The following POLE2 variants were observed in gnomAD, a reference collection of about 807,000 sequenced individuals.
The protein encoded by POLE2 is DNA polymerase epsilon 2, accessory subunit.
POLE2 carries 56 observed loss-of-function variants against 79.4 expected under a neutral mutation model. That is an observed-to-expected ratio of 0.71 (90% CI 0.57 to 0.88). The LOEUF is 0.88. Ranked by LOEUF, POLE2 falls within the 40% of genes least tolerant of loss-of-function variation. The pLI is 0.00. For missense variants in POLE2, 598 were observed against 638.9 expected (o/e 0.94, Z 0.69); for synonymous variants, 212 against 214.0 (o/e 0.99, Z 0.08).
At chr14:49,667,547 A>G (rs1195884717) in intron 6 of POLE2, among the ~76,000 whole-genome samples, 1 of 149,648 alleles carries the variant, frequency 6.7e-6, no homozygotes, top group Admixed American at 6.7e-5. Context: ...CTACACAGAT[A>G]GAAACTTTTT....
At chr14:49,681,773 G>C (rs576293140) in intron 2 of POLE2, 27 of 145,990 alleles carry the variant, frequency 1.8e-4, no homozygotes, top group African/African-American at 6.3e-4. Flanking sequence ...AGTGAACCGA[G>C]ATGGCGCCAT....
chr14:49,645,872 T>TCTGCCTGCCTTGGC (rs1184812377), intron 18 of POLE2, among the ~76,000 whole-genome samples: 1 of 152,172 alleles, frequency 6.6e-6, no homozygotes, highest in East Asian at 1.9e-4. Flanking sequence ...ACTTAAGTCA[T>TCTGCCTGCCTTGGC]CTGCCTGCCT....
At position 49,651,415 on chromosome 14, in the gene POLE2, A is replaced by G. The variant is rs1158056130; in HGVS notation, c.1212-38T>C. 5.9e-6 allele frequency: 5 copies of G among 851,646 alleles called. No homozygotes were observed. In the South Asian group the frequency reaches 6.4e-5, roughly 11 times the overall value. 52.8% of individuals were successfully genotyped at this position (851,646 alleles called of 1,614,324 possible). A position where few individuals can be genotyped will look rare whatever the true frequency, so the allele number is the denominator to read the frequency against. On this transcript the variant is annotated intron_variant, in intron 15 of 18. Coordinates refer to ENST00000216367, the MANE Select transcript of POLE2 (RefSeq NM_002692.4). ...CAGTAGTTGAATTTGACTTCTCAGA[A>G]AAAAATGATATTAATTTTAAAGGTA...
intron 5 of POLE2, among the ~76,000 whole-genome samples, chr14:49,673,542 T>C (rs571982296): frequency 6.6e-6 from 1 of 152,344 alleles, no homozygotes. Flanking sequence ...ATGCCATCAT[T>C]TCCTTGAAGC....
At chr14:49,651,561 A>G in intron 15 of POLE2, 184 bp from the exon 16 acceptor site, 2 of 402,632 alleles carry the variant, frequency 5.0e-6, no homozygotes. Context: ...ATATATGCCT[A>G]CCCCATTCTA....
chr14:49,646,301 G>GTTTTTT (rs1566522550), intron 18 of POLE2, among the ~76,000 whole-genome samples: 31 of 90,768 alleles, frequency 3.4e-4, no homozygotes, highest in African/African-American at 1.3e-3. Flanking sequence ...TTTTTTTGTT[G>GTTTTTT]GTTTTTTTTT....
chr14:49,664,324 A>G (rs1885317325), intron 9 of POLE2, among the ~76,000 whole-genome samples: 1 of 145,132 alleles, frequency 6.9e-6, no homozygotes. Flanking sequence ...ACTCCAGCCT[A>G]GGTGACAGAG....
At chr14:49,656,212 G>A (rs1185458340) in intron 10 of POLE2, among the ~76,000 whole-genome samples, 1 of 151,990 alleles carries the variant, frequency 6.6e-6, no homozygotes, top group Non-Finnish European at 1.5e-5. Flanking sequence ...AAAATTAGCC[G>A]GGCGACGTGG....
Position 49,665,165 on chromosome 14 carries a change from T to A in POLE2, c.577-2A>T. The A allele has an allele frequency of 7.8e-7, 1 of 1,287,206 alleles. No individual in the cohort carries two copies. Among genetic ancestry groups the A allele is most frequent in the Non-Finnish European group, 1.1e-6 (1 of 888,708 alleles). 79.7% of individuals were successfully genotyped at this position (1,287,206 alleles called of 1,614,324 possible). A position where few individuals can be genotyped will look rare whatever the true frequency, so the allele number is the denominator to read the frequency against. On this transcript the variant is annotated splice_acceptor_variant, in intron 7 of 18. Coordinates refer to ENST00000216367, the MANE Select transcript of POLE2 (RefSeq NM_002692.4). LOFTEE classifies it high-confidence loss of function. ...AGGATCTTCCAGAAAAAATTTTCCC[T>A]AAAAAAATGAAAATAAATAAATCCA... is the stretch of plus-strand genomic sequence containing the variant.
chr14:49,651,203 T>C (rs1188921018), intron 16 of POLE2, 66 bp downstream of exon 16: 8 of 694,926 alleles, frequency 1.2e-5, no homozygotes, highest in Non-Finnish European at 2.1e-5. Flanking sequence ...AATTATTAAG[T>C]GGCTTAATAA....
intron 3 of POLE2, 43 bp from the exon 4 acceptor site, chr14:49,674,470 A>T: frequency 8.6e-7 from 1 of 1,167,124 alleles, no homozygotes; most frequent in Non-Finnish European, 1.3e-6. Context: ...TTACTAAAAC[A>T]TAAGTACTCT....
Position 49,655,562 on chromosome 14 carries a change from CTG to C in POLE2, c.928+107_928+108del, listed in dbSNP as rs1491413841. 2.8e-5 allele frequency: 21 copies of C among 763,238 alleles called. No homozygotes were observed. In the East Asian group the frequency reaches 3.2e-4, roughly 12 times the overall value. 47.3% of individuals were successfully genotyped at this position (763,238 alleles called of 1,614,324 possible). On this transcript the variant is annotated intron_variant, in intron 11 of 18. Transcript: ENST00000216367. ...AATTTAAATTATCTCATTGCTAACTCTGTTTTTTTTTAAATAGAATACTCAAA... is the reference window on the plus strand; with the variant it reads ...AATTTAAATTATCTCATTGCTAACTCTTTTTTTTTAAATAGAATACTCAAA...
At chr14:49,670,956 C>A (rs1394824532) in intron 5 of POLE2, among the ~76,000 whole-genome samples, 1 of 152,150 alleles carries the variant, frequency 6.6e-6, no homozygotes, top group African/African-American at 2.4e-5. Flanking sequence ...ATACAAACTT[C>A]GTATGCCCAG....
chr14:49,679,584 C>A, intron 3 of POLE2, 141 bp downstream of exon 3: 1 of 541,744 alleles, frequency 1.8e-6, no homozygotes, highest in Non-Finnish European at 3.4e-6. Flanking sequence ...CAAAGAAAGC[C>A]ATTATTTAAA....
At chr14:49,654,906 C>T (rs1253896654) in intron 12 of POLE2, 68 bp from the exon 13 acceptor site, 4 of 1,427,536 alleles carry the variant, frequency 2.8e-6, no homozygotes, top group Non-Finnish European at 9.3e-7. Flanking sequence ...TGATTAGATA[C>T]AATCCTGTAT....
chr14:49,655,122 T>C, intron 11 of POLE2, 28 bp from the exon 12 acceptor site: 1 of 1,125,044 alleles, frequency 8.9e-7, no homozygotes, highest in African/African-American at 1.6e-5. Context: ...AAATGAACAA[T>C]ACTTTTCTAG....
At chr14:49,647,175 T>C in intron 18 of POLE2, 118 bp downstream of exon 18, 1 of 611,906 alleles carries the variant, frequency 1.6e-6, no homozygotes, top group Admixed American at 3.4e-5. Context: ...CAATAATATT[T>C]CTTTATGGGC....
At position 49,665,175 on chromosome 14, in the gene POLE2, A is replaced by G; in HGVS notation, c.577-12T>C. 8.7e-7 allele frequency: 1 copy of G among 1,145,838 alleles called. No individual in the cohort carries two copies. The highest frequency in any genetic ancestry group is 1.3e-6 in the Non-Finnish European group (1 of 762,026). 71.0% of individuals were successfully genotyped at this position (1,145,838 alleles called of 1,614,324 possible). A position where few individuals can be genotyped will look rare whatever the true frequency, so the allele number is the denominator to read the frequency against. ...AGAAAAAATTTTCCCTAAAAAAATG[A>G]AAATAAATAAATCCACATTTATGTA... On this transcript the variant is annotated splice_polypyrimidine_tract_variant and intron_variant, in intron 7 of 18. Coordinates refer to ENST00000216367, the MANE Select transcript of POLE2 (RefSeq NM_002692.4).
chr14:49,644,107 T>TG (rs1883587612), intron 18 of POLE2, among the ~76,000 whole-genome samples: 1 of 150,740 alleles, frequency 6.6e-6, no homozygotes, highest in African/African-American at 2.4e-5. Context: ...CTTGAACTCC[T>TG]GACCTCAGGT....
Sources: allele counts gnomAD v4.1 joint callset (sites outside exome capture counted in the v4.1 genomes callset), GRCh38; gene constraint gnomAD v4.1.1; transcripts MANE v1.5; gene names NCBI Gene and HGNC (gene_info 2026-07-23, HGNC 2026-07-21).